Variants in TMCO5A observed in about 807,000 individuals in gnomAD.
TMCO5A encodes transmembrane and coiled-coil domain-containing protein 5A.
In TMCO5A, 34 loss-of-function variants were observed where a neutral mutation model predicts 42.3. The observed-to-expected ratio is 0.80, with a 90% CI of 0.61 to 1.07. TMCO5A has a LOEUF of 1.07. TMCO5A is among the 50% of genes least tolerant of loss of function. TMCO5A has a pLI of 0.00. For missense variants in TMCO5A, 357 were observed against 327.9 expected, an observed-to-expected ratio of 1.09 and a Z score of -0.69; for synonymous variants, 131 against 115.6, an observed-to-expected ratio of 1.13 and a Z score of -0.86.
At chr15:38,032,991 C>A in the TMCO5A span, among the ~76,000 whole-genome samples, 2 of 149,228 alleles carry the variant, frequency 1.3e-5, no homozygotes, top group Non-Finnish European at 3.0e-5. Flanking sequence ...GCAGTGGCGC[C>A]ATGTTGGCTC....
the TMCO5A span, among the ~76,000 whole-genome samples, chr15:38,010,326 G>C: frequency 7.0e-6 from 1 of 142,906 alleles, no homozygotes; most frequent in Non-Finnish European, 1.5e-5. Context: ...GGTGAGCTGA[G>C]ATCGCGCCAC....
chr15:38,023,472 C>A, the TMCO5A span, among the ~76,000 whole-genome samples: 1 of 152,192 alleles, frequency 6.6e-6, no homozygotes, highest in Non-Finnish European at 1.5e-5. Flanking sequence ...CTCTTACATG[C>A]TGATCAGAGA....
At chr15:37,937,882 T>A (rs978940276) in intron 5 of TMCO5A, among the ~76,000 whole-genome samples, 3 of 152,092 alleles carry the variant, frequency 2.0e-5, no homozygotes, top group African/African-American at 7.2e-5. Flanking sequence ...TAAAGTAGCC[T>A]TCTACTGTAG....
the TMCO5A span, among the ~76,000 whole-genome samples, chr15:38,025,525 A>T: frequency 6.6e-6 from 1 of 152,194 alleles, no homozygotes; most frequent in African/African-American, 2.4e-5. Flanking sequence ...GAATAGGGAA[A>T]AATACAACTA....
At chr15:37,956,059 C>A (rs747882301), downstream of TMCO5A, among the ~76,000 whole-genome samples, 3 of 152,068 alleles carry the variant, frequency 2.0e-5, no homozygotes, top group Non-Finnish European at 4.4e-5. Context: ...AGAACAAAGA[C>A]GCAATCTACC....
At chr15:38,020,159 A>G in the TMCO5A span, 2 of 151,720 alleles carry the variant, frequency 1.3e-5, 1 homozygote, top group Admixed American at 1.3e-4. Context: ...CTTGGCTAAT[A>G]TATTTTTTTC....
At chr15:38,034,678 T>C in the TMCO5A span, among the ~76,000 whole-genome samples, 1 of 151,960 alleles carries the variant, frequency 6.6e-6, no homozygotes, top group Admixed American at 6.6e-5. Flanking sequence ...TGCTACCAAC[T>C]CCCAAATATT....
intron 6 of TMCO5A, among the ~76,000 whole-genome samples, chr15:37,938,893 G>A (rs1889627454): frequency 6.6e-6 from 1 of 151,824 alleles, no homozygotes; most frequent in African/African-American, 2.4e-5. Flanking sequence ...CCTATCTGAT[G>A]AGAGAGAGAG....
chr15:37,998,872 T>G, the TMCO5A span, among the ~76,000 whole-genome samples: 1 of 152,268 alleles, frequency 6.6e-6, no homozygotes, highest in Admixed American at 6.5e-5. Context: ...TTCAATTTAT[T>G]TAATCAGTGT....
chr15:37,998,984 G>A, the TMCO5A span, among the ~76,000 whole-genome samples: 8 of 152,104 alleles, frequency 5.3e-5, no homozygotes, highest in African/African-American at 9.6e-5. Flanking sequence ...TCAGCTCACC[G>A]CAACCTCCAC....
downstream of TMCO5A, among the ~76,000 whole-genome samples, chr15:37,971,606 T>C (rs1350917483): frequency 1.3e-5 from 2 of 152,226 alleles, no homozygotes; most frequent in Admixed American, 6.5e-5. Context: ...TTCCAAACTT[T>C]TATGCTGTTT....
chr15:37,970,648 CA>C (rs1890655670), downstream of TMCO5A, among the ~76,000 whole-genome samples: 1 of 152,184 alleles, frequency 6.6e-6, no homozygotes, highest in African/African-American at 2.4e-5. Flanking sequence ...ACTGTAAAAT[CA>C]AAAGCAATTT....
intron 9 of TMCO5A, chr15:37,943,044 A>G (rs897699260): frequency 7.4e-6 from 2 of 271,036 alleles, no homozygotes; most frequent in Non-Finnish European, 1.4e-5. Context: ...ATCCCTGCTG[A>G]ACATTGGTTT....
the TMCO5A span, among the ~76,000 whole-genome samples, chr15:38,039,819 A>G: frequency 6.6e-6 from 1 of 152,214 alleles, no homozygotes; most frequent in Non-Finnish European, 1.5e-5. Context: ...AACACCACAT[A>G]TTATTATCTC....
intron 1 of TMCO5A, among the ~76,000 whole-genome samples, chr15:37,934,936 T>C (rs1889461969): frequency 6.6e-6 from 1 of 152,158 alleles, no homozygotes; most frequent in Non-Finnish European, 1.5e-5. Context: ...GACTTATTGA[T>C]TATCTCTATT....
the TMCO5A span, among the ~76,000 whole-genome samples, chr15:37,981,200 C>CAA: frequency 9.7e-3 from 629 of 65,134 alleles, 16 homozygotes; most frequent in Middle Eastern, 0.021. Flanking sequence ...AGAAAGCCAG[C>CAA]AAAAAAAAAA....
At chr15:37,947,043 T>C (rs1889989836) in intron 10 of TMCO5A, among the ~76,000 whole-genome samples, 1 of 152,156 alleles carries the variant, frequency 6.6e-6, no homozygotes, top group Non-Finnish European at 1.5e-5. Context: ...ACCTAGTTTA[T>C]TGAGAGTTTT....
the TMCO5A span, among the ~76,000 whole-genome samples, chr15:38,030,740 C>G: frequency 6.6e-6 from 1 of 152,312 alleles, no homozygotes; most frequent in Middle Eastern, 3.4e-3. Context: ...TGCAGTTCCC[C>G]CAAACAAGCC....
the TMCO5A span, among the ~76,000 whole-genome samples, chr15:37,996,491 C>T: frequency 6.6e-6 from 1 of 152,164 alleles, no homozygotes; most frequent in African/African-American, 2.4e-5. Flanking sequence ...CACCAGCTGC[C>T]TCTTCTTTTT....
Sources: gnomAD v4.1 joint callset for allele counts (sites outside exome capture counted in the v4.1 genomes callset) on GRCh38, gnomAD v4.1.1 for gene constraint, MANE v1.5 for transcripts, NCBI Gene and HGNC (gene_info 2026-07-23, HGNC 2026-07-21) for gene names.